DYTN: variants seen among roughly 807,000 people sequenced by gnomAD.
DYTN encodes dystrotelin.
DYTN carries 75 observed loss-of-function variants against 69.6 expected under a neutral mutation model. The observed-to-expected ratio is 1.08, with a 90% confidence interval of 0.89 to 1.31. The LOEUF (loss-of-function observed/expected upper bound fraction) is 1.31, where lower values mean the gene tolerates loss of function less well. Ranked by LOEUF, DYTN falls within the 50% of genes most tolerant of loss-of-function variation. DYTN has a pLI of 0.00. For missense variants in DYTN, 726 were observed against 688.4 expected, an observed-to-expected ratio of 1.05 and a Z score of -0.61; for synonymous variants, 252 against 249.1, an observed-to-expected ratio of 1.01 and a Z score of -0.11.
chr2:206,710,683 G>T, intron 1 of DYTN, 85 bp from the exon 2 acceptor site: 1 of 1,081,506 alleles, frequency 9.2e-7, no homozygotes. Flanking sequence ...TAGAGATCAT[G>T]TAAGCTTACT....
intron 1 of DYTN, among the ~76,000 whole-genome samples, chr2:206,711,798 A>G (rs562335085): frequency 2.9e-4 from 39 of 133,898 alleles, no homozygotes; most frequent in African/African-American, 1.0e-3. Context: ...ATGTGTTCTC[A>G]TTGTTCAATT....
chr2:206,717,043 A>AACACACACACACACACAC (rs71852382), intron 1 of DYTN, among the ~76,000 whole-genome samples: 18 of 143,812 alleles, frequency 1.3e-4, no homozygotes, highest in South Asian at 2.3e-4. Flanking sequence ...TGCCGATGCA[A>AACACACACACACACACAC]ACACACACAC....
chr2:206,672,664 G>A (rs1699642466), intron 9 of DYTN, among the ~76,000 whole-genome samples: 2 of 152,068 alleles, frequency 1.3e-5, no homozygotes, highest in Non-Finnish European at 2.9e-5. Flanking sequence ...ACTGCAATAC[G>A]GAAACTCCAG....
At chr2:206,685,787 C>T (rs1699799297) in intron 9 of DYTN, among the ~76,000 whole-genome samples, 1 of 152,054 alleles carries the variant, frequency 6.6e-6, no homozygotes, top group African/African-American at 2.4e-5. Flanking sequence ...TTTCCCCTTA[C>T]ATAACTTTGC....
In DYTN at chr2:206,665,900, G is replaced by A. The variant is rs188179011; in HGVS notation, c.1110C>T (p.Thr370=). ...KLKTNQDSLW[T]KLQQIRRDLQ... ...GGTCCCGTCTTATCTGTTGTAGCTT[G>A]GTCCATAGACTATCCTGGTTGGTTT... Residue 370 remains threonine (T), a synonymous_variant, in exon 10 of 12, where the codon ACC becomes ACT. Coordinates refer to ENST00000452335, the MANE Select transcript of DYTN (RefSeq NM_001093730.1). 1.9e-5 allele frequency: 30 copies of A among 1,613,882 alleles called. No homozygotes were observed. The highest frequency in any genetic ancestry group is 5.0e-5 in the Admixed American group (3 of 59,992).
chr2:206,675,060 A>ACCTG (rs1337261854), intron 9 of DYTN, among the ~76,000 whole-genome samples: 1 of 150,882 alleles, frequency 6.6e-6, no homozygotes, highest in Non-Finnish European at 1.5e-5. Context: ...AGGAATAAAG[A>ACCTG]CCTGAAATAG....
intron 9 of DYTN, among the ~76,000 whole-genome samples, chr2:206,684,763 CTTGAGTT>C (rs1156676535): frequency 6.6e-6 from 1 of 152,030 alleles, no homozygotes; most frequent in Non-Finnish European, 1.5e-5. Context: ...TCTTCTTCTT[CTTGAGTT>C]TTTTTTCTTA....
At chr2:206,669,041 G>C (rs1156484314) in intron 9 of DYTN, among the ~76,000 whole-genome samples, 1 of 152,186 alleles carries the variant, frequency 6.6e-6, no homozygotes, top group Non-Finnish European at 1.5e-5. Context: ...CCCAGTCTCA[G>C]GCGTTTCTTC....
chr2:206,717,415 T>C (rs1700140183), intron 1 of DYTN, among the ~76,000 whole-genome samples: 1 of 152,186 alleles, frequency 6.6e-6, no homozygotes, highest in Admixed American at 6.6e-5. Context: ...GTTAGAAATG[T>C]ACATTCCTGG....
At chr2:206,717,389 T>A (rs1700139882) in intron 1 of DYTN, among the ~76,000 whole-genome samples, 1 of 152,208 alleles carries the variant, frequency 6.6e-6, no homozygotes, top group African/African-American at 2.4e-5. Flanking sequence ...AGCAGCATCA[T>A]GTCACCTGGG....
At position 206,705,858 on chromosome 2, in the gene DYTN, A is replaced by G; in HGVS notation, c.312T>C (p.Phe104=). 6.2e-7 allele frequency: 1 copy of G among 1,613,888 alleles called. No individual in the cohort carries two copies. Among genetic ancestry groups the G allele is most frequent in the Non-Finnish European group, 8.5e-7 (1 of 1,179,836 alleles). Residue 104 remains phenylalanine (F), a synonymous_variant, in exon 4 of 12, where the codon TTT becomes TTC. Transcript: ENST00000452335. ...TTMYNSKGTG[F]LQLMPAAAAL... is the part of the protein sequence containing the mutation. Reference sequence around the variant, plus strand: ...CAGCGGCCGCAGGCATAAGCTGGAGAAAACCTGTTCCTTTGCTGCACAGTA... The same window carrying G: ...CAGCGGCCGCAGGCATAAGCTGGAGGAAACCTGTTCCTTTGCTGCACAGTA...
At chr2:206,698,479 C>T (rs1042687929) in intron 7 of DYTN, among the ~76,000 whole-genome samples, 2 of 152,142 alleles carry the variant, frequency 1.3e-5, no homozygotes, top group Non-Finnish European at 2.9e-5. Flanking sequence ...GTCCCCTTCT[C>T]CTTCCGGGAA....
At chr2:206,653,132 TA>T (rs1426520327) in intron 11 of DYTN, among the ~76,000 whole-genome samples, 1 of 152,194 alleles carries the variant, frequency 6.6e-6, no homozygotes, top group East Asian at 1.9e-4. Flanking sequence ...GACTAAATAA[TA>T]TTTTATTGTC....
chr2:206,691,043 G>C (rs962723934), intron 9 of DYTN, among the ~76,000 whole-genome samples: 1 of 152,202 alleles, frequency 6.6e-6, no homozygotes, highest in East Asian at 1.9e-4. Flanking sequence ...GGATGAGTGG[G>C]TGAGAAGTGC....
At chr2:206,675,766 G>C (rs1699680174) in intron 9 of DYTN, among the ~76,000 whole-genome samples, 1 of 152,168 alleles carries the variant, frequency 6.6e-6, no homozygotes, top group South Asian at 2.1e-4. Flanking sequence ...CAAAAAGTGG[G>C]CAAGGGATAT....
At chr2:206,702,231 C>G (rs1699983720) in intron 5 of DYTN, among the ~76,000 whole-genome samples, 1 of 152,148 alleles carries the variant, frequency 6.6e-6, no homozygotes. Flanking sequence ...TCTATATGCA[C>G]AGATACATGT....
At chr2:206,689,770 G>T (rs1447940752) in intron 9 of DYTN, among the ~76,000 whole-genome samples, 1 of 152,168 alleles carries the variant, frequency 6.6e-6, no homozygotes, top group Non-Finnish European at 1.5e-5. Flanking sequence ...TTGTTCCAAA[G>T]CTCCTTGATT....
chr2:206,718,236 T>A, intron 1 of DYTN, 25 bp downstream of exon 1: 1 of 1,587,360 alleles, frequency 6.3e-7, no homozygotes, highest in Non-Finnish European at 8.6e-7. Flanking sequence ...CAAACTATGC[T>A]CAGAAACTTG....
At chr2:206,659,165 T>G (rs1699480023) in intron 11 of DYTN, among the ~76,000 whole-genome samples, 1 of 2,096 alleles carries the variant, frequency 4.8e-4, no homozygotes, top group Admixed American at 7.2e-3. Context: ...TCACAGTCTC[T>G]TTTTTTTTTT....
Sources: gnomAD v4.1 joint callset for allele counts (sites outside exome capture counted in the v4.1 genomes callset) on GRCh38, gnomAD v4.1.1 for gene constraint, MANE v1.5 for transcripts, NCBI Gene and HGNC (gene_info 2026-07-23, HGNC 2026-07-21) for gene names.